The following SH3PXD2B variants were observed in gnomAD, a reference collection of about 807,000 sequenced individuals.
SH3PXD2B encodes the protein SH3 and PX domain-containing protein 2B.
A neutral mutation model predicts 73.1 loss-of-function variants in SH3PXD2B; 37 were observed. The ratio of observed to expected loss-of-function variants is 0.51; its 90% CI spans 0.39 to 0.67. The LOEUF is 0.67. SH3PXD2B is among the 30% of genes least tolerant of loss of function. The probability of loss-of-function intolerance (pLI) is 0.00; values close to 1 mark genes in which losing one functional copy is unlikely to be tolerated. For synonymous variants in SH3PXD2B, 457 were observed against 480.5 expected (o/e 0.95, Z 0.64); for missense variants, 1,053 against 1,197.8 (o/e 0.88, Z 1.78).
chr5:172,368,409 C>T (rs1757573448), intron 6 of SH3PXD2B, among the ~76,000 whole-genome samples: 2 of 135,464 alleles, frequency 1.5e-5, no homozygotes, highest in Admixed American at 1.7e-4. Context: ...CCTAACGGCT[C>T]GTAGGCCTGT....
At chr5:172,417,987 TTCTG>T (rs1333600967) in intron 2 of SH3PXD2B, among the ~76,000 whole-genome samples, 3 of 152,258 alleles carry the variant, frequency 2.0e-5, no homozygotes, top group African/African-American at 4.8e-5. Flanking sequence ...CGAACCTGCT[TTCTG>T]TCTATGAATC....
intron 12 of SH3PXD2B, among the ~76,000 whole-genome samples, chr5:172,344,714 T>C (rs1756950217): frequency 6.7e-6 from 1 of 149,948 alleles, no homozygotes; most frequent in Non-Finnish European, 1.5e-5. Flanking sequence ...CCAAATCTCA[T>C]CCCTTTAGCC....
intron 12 of SH3PXD2B, among the ~76,000 whole-genome samples, chr5:172,340,481 T>C (rs952991938): frequency 1.3e-5 from 2 of 152,304 alleles, no homozygotes; most frequent in Middle Eastern, 3.4e-3. Flanking sequence ...CGGCAGCGTC[T>C]GCTACAATTC....
At chr5:172,343,243 A>G (rs1183229629) in intron 12 of SH3PXD2B, among the ~76,000 whole-genome samples, 1 of 152,222 alleles carries the variant, frequency 6.6e-6, no homozygotes, top group East Asian at 1.9e-4. Flanking sequence ...AACGCTTGAT[A>G]GCTCTGGTAA....
At chr5:172,440,567 G>C (rs1160787754) in intron 1 of SH3PXD2B, among the ~76,000 whole-genome samples, 1 of 152,216 alleles carries the variant, frequency 6.6e-6, no homozygotes, top group Non-Finnish European at 1.5e-5. Flanking sequence ...AAAAATGTCA[G>C]AGCAGAAAAC....
chr5:172,399,116 G>A (rs57051518), intron 3 of SH3PXD2B, among the ~76,000 whole-genome samples: 3,459 of 152,254 alleles, frequency 0.023, 139 homozygotes, highest in African/African-American at 0.078. Flanking sequence ...TGAAGTTCAA[G>A]CTGCCTTTCA....
At position 172,353,131 on chromosome 5, in the gene SH3PXD2B, CAG is replaced by C. The variant is rs2113296338; in HGVS notation, c.785+755_785+756del. Among the ~76,000 whole-genome samples, 1 of 152,322 alleles carries C rather than the reference CAG, an allele frequency of 6.6e-6. No individual in the cohort carries two copies. The highest frequency in any genetic ancestry group is 2.4e-5 in the African/African-American group (1 of 41,562). Reference sequence around the variant, plus strand: ...GCTCCCAGAACAGGGCTGGGCCCAACAGAGATTCTTGGTGTGCGTTTGTTGAA... The same window carrying C: ...GCTCCCAGAACAGGGCTGGGCCCAACAGATTCTTGGTGTGCGTTTGTTGAA... On this transcript the variant is annotated intron_variant, in intron 9 of 12. Coordinates refer to ENST00000311601, the MANE Select transcript of SH3PXD2B (RefSeq NM_001017995.3). This position sits in a 1 kb window ranked among gnomAD's most constrained non-coding sequence, Gnocchi z 4.3.
At chr5:172,438,073 C>T (rs1460393563) in intron 1 of SH3PXD2B, among the ~76,000 whole-genome samples, 2 of 152,182 alleles carry the variant, frequency 1.3e-5, no homozygotes, top group Admixed American at 6.5e-5. Flanking sequence ...GGCTTAGGGG[C>T]CTGTGCAGTC....
chr5:172,444,755 C>G (rs79364342), intron 1 of SH3PXD2B, among the ~76,000 whole-genome samples: 1 of 152,268 alleles, frequency 6.6e-6, no homozygotes, highest in Non-Finnish European at 1.5e-5. Context: ...CCATGAAGGG[C>G]TCTTCTACCC....
chr5:172,422,760 C>A (rs186593319), intron 1 of SH3PXD2B, among the ~76,000 whole-genome samples: 142 of 152,346 alleles, frequency 9.3e-4, no homozygotes, highest in Non-Finnish European at 1.4e-3. Context: ...TCAGGAGAAG[C>A]TGCTGTTTTC....
downstream of SH3PXD2B, among the ~76,000 whole-genome samples, chr5:172,329,537 A>ATTTTTTTTTTTTTTTTTTTTTT (rs1189125823): frequency 3.2e-5 from 2 of 62,958 alleles, no homozygotes; most frequent in Admixed American, 1.6e-4. Flanking sequence ...GATCTTTGTT[A>ATTTTTTTTTTTTTTTTTTTTTT]TTCTTTTTTT....
chr5:172,437,234 C>T, intron 1 of SH3PXD2B, among the ~76,000 whole-genome samples: 1 of 152,156 alleles, frequency 6.6e-6, no homozygotes. Flanking sequence ...TAATGGGAAA[C>T]CCGACTCTGC....
chr5:172,368,554 T>TTATATATATATAAAATATGTTA (rs1328633760), intron 6 of SH3PXD2B, among the ~76,000 whole-genome samples: 1 of 13,374 alleles, frequency 7.5e-5, no homozygotes, highest in Non-Finnish European at 1.0e-4. Flanking sequence ...TATATATATA[T>TTATATATATATAAAATATGTTA]TATATATATA....
chr5:172,434,519 C>T (rs984909519), intron 1 of SH3PXD2B, among the ~76,000 whole-genome samples: 18 of 152,292 alleles, frequency 1.2e-4, no homozygotes, highest in East Asian at 9.7e-4. Context: ...CCCCTGCCTC[C>T]GGAGCTCTGT....
chr5:172,331,614 G>A (rs962157490), downstream of SH3PXD2B, among the ~76,000 whole-genome samples: 2 of 152,182 alleles, frequency 1.3e-5, no homozygotes, highest in Non-Finnish European at 2.9e-5. Flanking sequence ...GTGTTTGCAG[G>A]TATGAGAGGG....
chr5:172,342,968 G>A (rs1460520077), intron 12 of SH3PXD2B, among the ~76,000 whole-genome samples: 1 of 152,194 alleles, frequency 6.6e-6, no homozygotes, highest in Non-Finnish European at 1.5e-5. Context: ...AGTGGCCTGG[G>A]GCAAGCCACG....
In SH3PXD2B at chr5:172,422,441, C is replaced by T; in HGVS notation, c.131G>A (p.Arg44His). The T allele has an allele frequency of 1.9e-6, 3 of 1,612,144 alleles. No homozygotes were observed. Among genetic ancestry groups the T allele is most frequent in the Non-Finnish European group, 2.5e-6 (3 of 1,179,484 alleles). Reference protein sequence around the residue: ...SSGSTEAIYRRYSKFFDLQMQ... With the variant: ...SSGSTEAIYRHYSKFFDLQMQ... ...CTGGAGGTCAAAAAACTTGCTGTAG[C>T]GCCGGTAAATGGCCTCGGTGGAGCC... Residue 44 changes from arginine (R) to histidine (H), a missense_variant, in exon 2 of 13, where the codon CGC (arginine) becomes CAC (histidine). Around this residue, in one of 2 missense-constraint regions of SH3PXD2B, gnomAD observed 466 missense variants for 607.1 expected, o/e 0.77. Coordinates refer to ENST00000311601, the MANE Select transcript of SH3PXD2B (RefSeq NM_001017995.3).
chr5:172,368,044 C>A (rs1482513574), intron 6 of SH3PXD2B, among the ~76,000 whole-genome samples: 7 of 152,140 alleles, frequency 4.6e-5, no homozygotes, highest in Admixed American at 3.3e-4. Flanking sequence ...TCACTTATAT[C>A]TTTGGTTGCT....
At chr5:172,327,247 A>G (rs970074577) in intron 12 of SH3PXD2B, among the ~76,000 whole-genome samples, 1 of 152,252 alleles carries the variant, frequency 6.6e-6, no homozygotes, top group Non-Finnish European at 1.5e-5. Flanking sequence ...TGTGCTAGGT[A>G]TACATTATTT....
Sources: allele counts gnomAD v4.1 joint callset (sites outside exome capture counted in the v4.1 genomes callset), GRCh38; gene constraint gnomAD v4.1.1; regional missense constraint gnomAD v4.1.1; non-coding constraint Gnocchi (gnomAD v3.1); transcripts MANE v1.5; gene names NCBI Gene and HGNC (gene_info 2026-07-23, HGNC 2026-07-21).